UTRN: variants seen among roughly 807,000 people sequenced by gnomAD.
The protein encoded by UTRN is dystrophin-related protein 1.
Under a neutral mutation model 463.9 loss-of-function variants are expected in UTRN, and 283 were observed. That is an observed-to-expected ratio of 0.61 (90% CI 0.55 to 0.67). The LOEUF (loss-of-function observed/expected upper bound fraction) is 0.67. Among genes scored for constraint, UTRN ranks in the 30% least tolerant of loss-of-function variants. The pLI, the probability that UTRN is intolerant of heterozygous loss-of-function variation, is 0.00. For synonymous variants in UTRN, 1,442 were observed against 1,431.5 expected, an observed-to-expected ratio of 1.01 and a Z score of -0.17; for missense variants, 3,922 against 4,084.3, an observed-to-expected ratio of 0.96 and a Z score of 1.08.
chr6:144,569,326 T>G (rs183537739), intron 50 of UTRN, among the ~76,000 whole-genome samples: 1 of 152,050 alleles, frequency 6.6e-6, no homozygotes, highest in African/African-American at 2.4e-5. Flanking sequence ...TTTAGTATAG[T>G]CATTATGTTT....
intron 51 of UTRN, among the ~76,000 whole-genome samples, chr6:144,620,497 T>A (rs1775247111): frequency 6.6e-6 from 1 of 152,110 alleles, no homozygotes; most frequent in Admixed American, 6.6e-5. Context: ...GAAAAATGTA[T>A]TATTTGGGAG....
chr6:144,511,077 G>A lies in UTRN; in HGVS notation c.4898G>A (p.Trp1633Ter). The change falls in exon 35 of 75, where the codon TGG becomes TAG. Residue 1633 changes from tryptophan to a stop codon, truncating the protein, a stop_gained. Coordinates refer to ENST00000367545, the MANE Select transcript of UTRN (RefSeq NM_007124.3). LOFTEE classifies it high-confidence loss of function. The part of the protein sequence containing the change: ...EERLCVLNAG[W>*]SRVRTWTEDW... Reference sequence around the variant, plus strand: ...AGGCTCTGCGTCCTTAACGCTGGGTGGAGCCGAGTTCGTACCTGGACTGAA... The same window carrying A: ...AGGCTCTGCGTCCTTAACGCTGGGTAGAGCCGAGTTCGTACCTGGACTGAA... 3 of 1,609,532 alleles carry A rather than the reference G, an allele frequency of 1.9e-6. No homozygotes were observed. The highest frequency in any genetic ancestry group is 2.5e-6 in the Non-Finnish European group (3 of 1,177,214).
chr6:144,577,354 C>A, intron 51 of UTRN, 66 bp downstream of exon 51: 1 of 1,517,200 alleles, frequency 6.6e-7, no homozygotes. Context: ...CCTCTGCATG[C>A]AAATGTGTTA....
rs200321832 is a variant in UTRN at position 144,482,408 on chromosome 6, G to GTTATTATTATTATTATTA, written c.3687+22_3687+23insATTATTATTATTATTATT. 5.3e-6 allele frequency: 6 copies of GTTATTATTATTATTATTA among 1,139,898 alleles called. No individual in the cohort carries two copies. The African/African-American group carries it at 5.7e-5, about 11-fold the overall frequency. The allele number at this position is 1,139,898 out of a possible 1,614,324, so 70.6% of individuals were successfully genotyped here. A position where few individuals can be genotyped will look rare whatever the true frequency, so the allele number is the denominator to read the frequency against. On this transcript the variant is annotated intron_variant, in intron 27 of 74. Transcript: ENST00000367545. ...CTAGAGGTATGCTATTATTATTATT[G>GTTATTATTATTATTATTA]TTGTTATTATTATTATTATTATTAT...
In UTRN at chr6:144,308,401, A is replaced by G. The variant is rs1266936624; in HGVS notation, c.79+16494A>G. On this transcript the variant is annotated intron_variant, in intron 2 of 74. Transcript: ENST00000367545. ...AACCTCCGCCTCCTGGGCTCCAGCA[A>G]TCCTCCCACCCTCGGGTAGCTGGGG... Among the ~76,000 whole-genome samples the G allele has an allele frequency of 2.6e-5, 4 of 151,896 alleles. No homozygotes were observed. In the East Asian group the frequency reaches 5.8e-4, roughly 22 times the overall value.
rs763129852 is a variant in UTRN, at chr6:144,485,387, G to A, written c.3690G>A (p.Glu1230=). 8 of 1,614,134 alleles carry A rather than the reference G, an allele frequency of 5.0e-6. No individual in the cohort carries two copies. Among genetic ancestry groups the A allele is most frequent in the Non-Finnish European group, 5.9e-6 (7 of 1,180,014 alleles). Residue 1230 remains glutamate (E), a splice_region_variant and synonymous_variant, in exon 28 of 75, where the codon GAG becomes GAA. Coordinates refer to ENST00000367545, the MANE Select transcript of UTRN (RefSeq NM_007124.3). ...ATTTAAAATTTTTCATGCTTTAGGA[G>A]GTCTGGTCTTGTTGGATTGAACTGC... ...RIRGKCHTLE[E]VWSCWIELLH...
At chr6:144,538,509 T>C (rs942260960) in intron 44 of UTRN, among the ~76,000 whole-genome samples, 1 of 102,706 alleles carries the variant, frequency 9.7e-6, no homozygotes, top group Non-Finnish European at 1.8e-5. Context: ...TCTATAAAAA[T>C]ACAAAAAAAA....
At chr6:144,461,780 C>G (rs1224169753) in intron 22 of UTRN, among the ~76,000 whole-genome samples, 1 of 152,216 alleles carries the variant, frequency 6.6e-6, no homozygotes, top group East Asian at 1.9e-4. Flanking sequence ...ACTGGGTTTG[C>G]TGTTCCCTTG....
At chr6:144,445,941 A>G (rs1446227387) in intron 14 of UTRN, among the ~76,000 whole-genome samples, 1 of 152,080 alleles carries the variant, frequency 6.6e-6, no homozygotes, top group Non-Finnish European at 1.5e-5. Flanking sequence ...AGGCAGGAGA[A>G]TTGCTTGAAC....
intron 7 of UTRN, among the ~76,000 whole-genome samples, chr6:144,427,494 T>C (rs146933759): frequency 7.5e-4 from 114 of 152,332 alleles, no homozygotes; most frequent in African/African-American, 2.7e-3. Context: ...CCTAGAATTA[T>C]GATCCTTTTA....
At chr6:144,820,083 A>G (rs1779464530) in intron 65 of UTRN, among the ~76,000 whole-genome samples, 1 of 137,802 alleles carries the variant, frequency 7.3e-6, no homozygotes, top group Non-Finnish European at 1.6e-5. Flanking sequence ...TGATATCTGT[A>G]TTGTAAATAG....
chr6:144,781,798 G>A (rs1056222990), intron 60 of UTRN, 124 bp from the exon 61 acceptor site: 5 of 658,266 alleles, frequency 7.6e-6, no homozygotes, highest in South Asian at 7.4e-5. Flanking sequence ...AGCTAAAAAG[G>A]ATAGATTCTT....
At chr6:144,767,330 G>C (rs1314704470) in intron 58 of UTRN, among the ~76,000 whole-genome samples, 2 of 152,172 alleles carry the variant, frequency 1.3e-5, no homozygotes, top group Non-Finnish European at 1.5e-5. Flanking sequence ...GATTTGCAAG[G>C]GGTGAGAGAG....
chr6:144,636,959 A>T (rs533090857), intron 51 of UTRN, among the ~76,000 whole-genome samples: 1 of 151,700 alleles, frequency 6.6e-6, no homozygotes, highest in South Asian at 2.1e-4. Flanking sequence ...TTCTTTCTTG[A>T]TTTTTGTTTG....
intron 53 of UTRN, among the ~76,000 whole-genome samples, chr6:144,726,137 T>C (rs1250092880): frequency 1.3e-5 from 2 of 152,104 alleles, no homozygotes; most frequent in Non-Finnish European, 2.9e-5. Flanking sequence ...CTGACAATGA[T>C]ACATTATAAA....
intron 2 of UTRN, among the ~76,000 whole-genome samples, chr6:144,329,084 C>CTT (rs1223318985): frequency 2.7e-4 from 36 of 133,294 alleles, no homozygotes; most frequent in Admixed American, 5.3e-4. Context: ...CGCACCTGGC[C>CTT]TTTTTTTTTT....
chr6:144,634,631 G>A (rs1387198030), intron 51 of UTRN, among the ~76,000 whole-genome samples: 1 of 152,176 alleles, frequency 6.6e-6, no homozygotes, highest in African/African-American at 2.4e-5. Context: ...GGTATTTAGT[G>A]TATTTATAGA....
intron 34 of UTRN, among the ~76,000 whole-genome samples, chr6:144,507,652 G>A (rs1562500821): frequency 6.6e-6 from 1 of 152,096 alleles, no homozygotes; most frequent in African/African-American, 2.4e-5. Flanking sequence ...TTTCAGAGGG[G>A]CACTCACAAG....
intron 2 of UTRN, among the ~76,000 whole-genome samples, chr6:144,347,833 C>CTTT (rs1777715796): frequency 7.7e-6 from 1 of 130,270 alleles, no homozygotes; most frequent in African/African-American, 4.1e-5. Flanking sequence ...GTGGCTTATT[C>CTTT]TTTGTTTTTT....
Sources: allele counts gnomAD v4.1 joint callset (sites outside exome capture counted in the v4.1 genomes callset), GRCh38; gene constraint gnomAD v4.1.1; transcripts MANE v1.5; gene names NCBI Gene and HGNC (gene_info 2026-07-23, HGNC 2026-07-21).